Variants in ATXN7L1 observed in about 807,000 individuals in gnomAD.
ATXN7L1 encodes the protein ataxin 7 like 1.
In ATXN7L1, 15 loss-of-function variants were observed where a neutral mutation model predicts 70.8. That is an observed-to-expected ratio of 0.21 (90% CI 0.14 to 0.33). The LOEUF (loss-of-function observed/expected upper bound fraction) is 0.33, where lower values mean the gene tolerates loss of function less well. ATXN7L1 is among the 10% of genes least tolerant of loss of function. The pLI, the probability that ATXN7L1 is intolerant of heterozygous loss-of-function variation, is 1.00. For synonymous variants in ATXN7L1, 440 were observed against 445.1 expected (o/e 0.99, Z 0.14); for missense variants, 975 against 1,097.1 (o/e 0.89, Z 1.57).
intron 3 of ATXN7L1, among the ~76,000 whole-genome samples, chr7:105,677,457 T>G (rs1308911626): frequency 6.6e-6 from 1 of 152,228 alleles, no homozygotes; most frequent in African/African-American, 2.4e-5. Flanking sequence ...ACTGGTTTAC[T>G]GGTCTAAGTG....
At chr7:105,703,040 T>C (rs887245672) in intron 3 of ATXN7L1, among the ~76,000 whole-genome samples, 1 of 152,090 alleles carries the variant, frequency 6.6e-6, no homozygotes, top group Non-Finnish European at 1.5e-5. Flanking sequence ...GGCGTGAACC[T>C]AGGAGGCGGA....
At chr7:105,613,639 AACCGTAAAGT>A (rs1793383885) in intron 10 of ATXN7L1, 1 of 1,414,060 alleles carries the variant, frequency 7.1e-7, no homozygotes, top group African/African-American at 1.4e-5. Flanking sequence ...GTGAGGTAAT[AACCGTAAAGT>A]GCCGAGAACA....
chr7:105,845,204 CAAAAAAAAAAAAAAAAA>C (rs3057532), intron 2 of ATXN7L1, among the ~76,000 whole-genome samples: 1 of 62,990 alleles, frequency 1.6e-5, no homozygotes, highest in Non-Finnish European at 2.8e-5. Context: ...AACTCTGTCT[CAAAAAAAAAAAAAAAAA>C]AAAAAAAAAA....
intron 3 of ATXN7L1, among the ~76,000 whole-genome samples, chr7:105,672,931 A>G (rs920717487): frequency 1.3e-5 from 2 of 152,238 alleles, no homozygotes; most frequent in Non-Finnish European, 2.9e-5. Context: ...ACTTTTGTGC[A>G]TTTCCACCAC....
Position 105,627,468 on chromosome 7 carries a change from T to G in ATXN7L1, c.1203-3201A>C, listed in dbSNP as rs533849415. 1.3e-3 allele frequency among the ~76,000 whole-genome samples: 195 copies of G among 151,670 alleles called. 1 individual carries two copies. Among genetic ancestry groups the G allele is most frequent in the African/African-American group, 4.6e-3 (191 of 41,302 alleles). On this transcript the variant is annotated intron_variant, in intron 7 of 11. Coordinates refer to ENST00000419735, the MANE Select transcript of ATXN7L1 (RefSeq NM_020725.2). ...CCAGACTGGTCTCAAACTTGTGGCC[T>G]CAAATGATGCTACTTGCTCGGCCTC...
intron 2 of ATXN7L1, among the ~76,000 whole-genome samples, chr7:105,874,831 G>A (rs1818795643): frequency 6.6e-6 from 1 of 152,144 alleles, no homozygotes. Context: ...ACCATTCTTT[G>A]GCATCTAATG....
At chr7:105,700,826 C>T (rs544992466) in intron 3 of ATXN7L1, among the ~76,000 whole-genome samples, 381 of 152,190 alleles carry the variant, frequency 2.5e-3, no homozygotes, top group Non-Finnish European at 4.6e-3. Context: ...CGACTACAGG[C>T]GCACACTACC....
At chr7:105,871,396 A>C (rs1818244503) in intron 2 of ATXN7L1, among the ~76,000 whole-genome samples, 1 of 152,130 alleles carries the variant, frequency 6.6e-6, no homozygotes, top group East Asian at 1.9e-4. Flanking sequence ...ACGCCTTCTG[A>C]ACCCAGGTGA....
chr7:105,863,837 C>T (rs752355254), intron 2 of ATXN7L1, among the ~76,000 whole-genome samples: 3 of 152,120 alleles, frequency 2.0e-5, no homozygotes, highest in Admixed American at 6.5e-5. Context: ...CAATAAAAGA[C>T]AGCTAGGATT....
rs1323869536 is a variant in ATXN7L1, at chr7:105,844,295, CTA to C, written c.250+31515_250+31516del. Among the ~76,000 whole-genome samples the C allele has an allele frequency of 3.9e-5, 6 of 152,116 alleles. No homozygotes were observed. The East Asian group carries it at 1.2e-3, about 29-fold the overall frequency. ...ACCAGACAAAGACATCATAAGAAAA[CTA>C]AATCCCTTCTGAACATAGACATAAA... On this transcript the variant is annotated intron_variant, in intron 2 of 11. Transcript: ENST00000419735.
At chr7:105,819,659 C>G (rs1809793022) in intron 2 of ATXN7L1, 1 of 935,902 alleles carries the variant, frequency 1.1e-6, no homozygotes, top group Non-Finnish European at 1.7e-6. Flanking sequence ...AGTACCTGGT[C>G]TTCCTCCGCA....
intron 3 of ATXN7L1, among the ~76,000 whole-genome samples, chr7:105,721,559 G>A (rs150787867): frequency 6.6e-6 from 1 of 152,230 alleles, no homozygotes; most frequent in African/African-American, 2.4e-5. Flanking sequence ...TGCCACATGG[G>A]AAGTAGTCTC....
At chr7:105,718,655 TG>T (rs1225266717) in intron 3 of ATXN7L1, among the ~76,000 whole-genome samples, 2 of 152,226 alleles carry the variant, frequency 1.3e-5, no homozygotes, top group Admixed American at 6.5e-5. Context: ...CCAGCCAGGT[TG>T]GAAGGGTGAC....
chr7:105,614,576 A>T lies in ATXN7L1; in HGVS notation c.1758T>A (p.His586Gln). The change falls in exon 10 of 12, where the codon CAT becomes CAA. Residue 586 changes from histidine (H) to glutamine (Q), a missense_variant. By Grantham distance (24) the His-to-Gln change is conservative. This residue lies in a region of ATXN7L1 where 635 missense variants were observed against 699.4 expected (regional missense o/e 0.91). Transcript: ENST00000419735. The surrounding 1 kb of genome is among the most constrained non-coding windows in gnomAD (Gnocchi z 4.3). ...CCATGATGCTGAGGGTTGCGGCCAC[A>T]TGAGGGAAAGCTGTGGTGTGGGACA... ...ALMSHTTAFP[H>Q]VAATLSIMDS... 1 of 1,550,994 alleles carries T rather than the reference A, an allele frequency of 6.4e-7. No homozygotes were observed. Among genetic ancestry groups the T allele is most frequent in the Non-Finnish European group, 8.7e-7 (1 of 1,146,298 alleles).
At chr7:105,761,205 C>A in intron 3 of ATXN7L1, 1 of 1,432,814 alleles carries the variant, frequency 7.0e-7, no homozygotes. Context: ...TGCTCAAGCC[C>A]ATTTCCTTAC....
intron 7 of ATXN7L1, among the ~76,000 whole-genome samples, chr7:105,636,528 A>C (rs973924675): frequency 1.3e-5 from 2 of 150,948 alleles, no homozygotes; most frequent in Admixed American, 1.3e-4. Flanking sequence ...TCCTTAACAG[A>C]ACACAAACAG....
Position 105,613,921 on chromosome 7 carries a change from T to A in ATXN7L1, c.2413A>T (p.Asn805Tyr). The change falls in exon 10 of 12, where the codon AAC becomes TAC. Residue 805 changes from asparagine to tyrosine, a missense_variant. By Grantham distance (143) the Asn-to-Tyr change is moderately radical. Around this residue, in one of 5 missense-constraint regions of ATXN7L1, gnomAD observed 635 missense variants for 699.4 expected, o/e 0.91. Transcript: ENST00000419735. ...MPGMNSVHKK[N>Y]PPSLLAPVPD... Reference sequence around the variant, plus strand: ...ACCGGTGCGAGAAGGCTGGGCGGGTTCTTTTTGTGAACGCTATTCATACCA... The same window carrying A: ...ACCGGTGCGAGAAGGCTGGGCGGGTACTTTTTGTGAACGCTATTCATACCA... 1.9e-6 allele frequency: 3 copies of A among 1,552,180 alleles called. No homozygotes were observed. Among genetic ancestry groups the A allele is most frequent in the Non-Finnish European group, 2.6e-6 (3 of 1,147,046 alleles).
chr7:105,806,330 C>T (rs924714959), intron 2 of ATXN7L1, among the ~76,000 whole-genome samples: 1 of 152,140 alleles, frequency 6.6e-6, no homozygotes, highest in Non-Finnish European at 1.5e-5. Context: ...CACCAGGGCC[C>T]TCTCTGCCCA....
intron 4 of ATXN7L1, among the ~76,000 whole-genome samples, chr7:105,648,140 TAA>T (rs958213631): frequency 1.9e-4 from 29 of 152,274 alleles, no homozygotes; most frequent in African/African-American, 6.7e-4. Context: ...TGATGTGAGG[TAA>T]AAGGACTTGG....
Sources: gnomAD v4.1 joint callset for allele counts (sites outside exome capture counted in the v4.1 genomes callset) on GRCh38, gnomAD v4.1.1 for gene constraint, gnomAD v4.1.1 regional missense constraint, Gnocchi (gnomAD v3.1) non-coding constraint, MANE v1.5 for transcripts, NCBI Gene and HGNC (gene_info 2026-07-23, HGNC 2026-07-21) for gene names.